The following CCNK variants were observed in gnomAD, a reference collection of about 807,000 sequenced individuals.
The protein encoded by CCNK is cyclin K.
A neutral mutation model predicts 65.0 loss-of-function variants in CCNK; 9 were observed. The observed-to-expected ratio is 0.14, with a 90% CI of 0.08 to 0.24. The LOEUF is 0.24. CCNK is among the 10% of genes least tolerant of loss of function. The pLI is 1.00. For missense variants in CCNK, 474 were observed against 720.0 expected (o/e 0.66, Z 3.91); for synonymous variants, 279 against 270.8 (o/e 1.03, Z -0.30).
intron 10 of CCNK, 148 bp from the exon 11 acceptor site, chr14:99,510,009 A>C: frequency 1.4e-6 from 1 of 721,000 alleles, no homozygotes; most frequent in Non-Finnish European, 2.2e-6. Context: ...GCATCAGGAC[A>C]TGGGGCATGG....
intron 1 of CCNK, among the ~76,000 whole-genome samples, chr14:99,482,333 G>T (rs974718774): frequency 1.3e-5 from 2 of 152,192 alleles, no homozygotes; most frequent in Non-Finnish European, 2.9e-5. Flanking sequence ...GTAGGTGCCC[G>T]CTAAAGGTTT....
In CCNK at chr14:99,492,818, C is replaced by A. The variant is rs746593317; in HGVS notation, c.141C>A (p.Ala47=). 1.2e-6 allele frequency: 2 copies of A among 1,611,642 alleles called. No homozygotes were observed. Among genetic ancestry groups the A allele is most frequent in the East Asian group, 4.5e-5 (2 of 44,820 alleles). ...QLEGLDPATE[A]RYRREGARFI... is the part of the protein sequence containing the mutation. ...AAGGACTTGATCCAGCCACCGAGGC[C>A]CGGTACCGCCGAGAGGGCGCTCGGT... The change falls in exon 2 of 11, where the codon GCC becomes GCA. Residue 47 remains alanine, a synonymous_variant. Transcript: ENST00000389879.
At chr14:99,481,570 G>C in intron 1 of CCNK, 91 bp downstream of exon 1, 1 of 397,912 alleles carries the variant, frequency 2.5e-6, no homozygotes, top group Admixed American at 4.4e-5. Context: ...CTATCCACTG[G>C]CGGAGTCTCT....
intron 9 of CCNK, 146 bp from the exon 10 acceptor site, chr14:99,506,930 T>C: frequency 1.5e-6 from 1 of 681,832 alleles, no homozygotes; most frequent in Non-Finnish European, 2.7e-6. Flanking sequence ...ATGGTTTAGC[T>C]GAAACCTTCT....
At chr14:99,502,449 C>G in intron 7 of CCNK, 73 bp downstream of exon 7, 1 of 1,537,416 alleles carries the variant, frequency 6.5e-7, no homozygotes, top group South Asian at 1.3e-5. Context: ...ACCCTGAGTC[C>G]CAAGAATGGA....
At chr14:99,505,018 T>C (rs1896939895) in intron 9 of CCNK, 1 of 152,262 alleles carries the variant, frequency 6.6e-6, no homozygotes, top group African/African-American at 2.4e-5. Context: ...TGGAATGTGA[T>C]GAATTGAAAG....
At chr14:99,501,136 C>T (rs888207073) in intron 5 of CCNK, 1 of 602,222 alleles carries the variant, frequency 1.7e-6, no homozygotes, top group Non-Finnish European at 2.9e-6. Context: ...TAAACTTAGC[C>T]TTGGAGCCAG....
In CCNK at chr14:99,510,226, T is replaced by A; in HGVS notation, c.1187T>A (p.Leu396His). ...CCGGGCCCTGTGGATGCCACTGACCTCCCCAAAGTCCAGATTCCCCCTCCG... is the reference window on the plus strand; with the variant it reads ...CCGGGCCCTGTGGATGCCACTGACCACCCCAAAGTCCAGATTCCCCCTCCG... ...EPPGPVDATD[L>H]PKVQIPPPAH... is the part of the protein sequence containing the mutation. The change falls in exon 11 of 11, where the codon CTC (leucine) becomes CAC (histidine). Residue 396 changes from leucine to histidine, a missense_variant. Transcript: ENST00000389879. The A allele has an allele frequency of 6.3e-7, 1 of 1,595,060 alleles. No homozygotes were observed. Among genetic ancestry groups the A allele is most frequent in the Middle Eastern group, 2.0e-4 (1 of 4,974 alleles).
chr14:99,488,872 T>A (rs1340371890), intron 1 of CCNK, among the ~76,000 whole-genome samples: 1 of 152,032 alleles, frequency 6.6e-6, no homozygotes, highest in Non-Finnish European at 1.5e-5. Flanking sequence ...CAAATTACCT[T>A]GGATTAGTCC....
chr14:99,495,659 G>T (rs565877072), intron 4 of CCNK, 30 bp downstream of exon 4: 2 of 1,585,574 alleles, frequency 1.3e-6, no homozygotes, highest in Admixed American at 1.8e-5. Context: ...CCTGCCTTCT[G>T]GTCTTGATTC....
intron 1 of CCNK, chr14:99,492,328 A>C: frequency 4.9e-6 from 1 of 204,168 alleles, no homozygotes; most frequent in South Asian, 9.2e-5. Flanking sequence ...AAAGTGAGAT[A>C]TACTTCGTTT....
chr14:99,481,914 C>G (rs1047665971), intron 1 of CCNK, among the ~76,000 whole-genome samples: 1 of 152,212 alleles, frequency 6.6e-6, no homozygotes, highest in Non-Finnish European at 1.5e-5. Flanking sequence ...CTAGGGTACT[C>G]CGACTTTGGA....
intron 3 of CCNK, 51 bp downstream of exon 3, chr14:99,493,646 C>T: frequency 7.8e-7 from 1 of 1,277,262 alleles, no homozygotes; most frequent in Non-Finnish European, 1.1e-6. Flanking sequence ...ATTATTTCCA[C>T]ACAGTTTGGT....
intron 8 of CCNK, chr14:99,503,262 G>A (rs1460616830): frequency 1.6e-5 from 10 of 638,230 alleles, no homozygotes; most frequent in African/African-American, 5.4e-5. Flanking sequence ...TGTCGTTGCC[G>A]TGTCCTAGCA....
intron 9 of CCNK, 104 bp from the exon 10 acceptor site, chr14:99,506,969 CTGT>C (rs1312359091): frequency 5.5e-5 from 43 of 788,280 alleles, no homozygotes; most frequent in Middle Eastern, 2.3e-4. Flanking sequence ...TTGGTCATCT[CTGT>C]TGTTTTTCTC....
Position 99,510,857 on chromosome 14 carries a change from G to A in CCNK, c.*75G>A. The A allele has an allele frequency of 3.2e-6, 4 of 1,257,152 alleles. No individual in the cohort carries two copies. The highest frequency in any genetic ancestry group is 2.8e-4 in the Middle Eastern group (1 of 3,620). 77.9% of individuals were successfully genotyped at this position (1,257,152 alleles called of 1,614,324 possible). A position where few individuals can be genotyped will look rare whatever the true frequency, so the allele number is the denominator to read the frequency against. On this transcript the variant is annotated 3_prime_UTR_variant, in exon 11 of 11. Coordinates refer to ENST00000389879, the MANE Select transcript of CCNK (RefSeq NM_001099402.2). Reference sequence around the variant, plus strand: ...CTTGCAGAGTAGTTGAAGTGGGTAAGCAGCAGGGTACCTTGTATAATGCAC... The same window carrying A: ...CTTGCAGAGTAGTTGAAGTGGGTAAACAGCAGGGTACCTTGTATAATGCAC...
chr14:99,491,777 T>A (rs1352453087), intron 1 of CCNK, among the ~76,000 whole-genome samples: 1 of 152,210 alleles, frequency 6.6e-6, no homozygotes, highest in African/African-American at 2.4e-5. Context: ...GCTGTTTTCT[T>A]GCTAACCAGA....
chr14:99,483,116 A>G (rs903722804), intron 1 of CCNK, among the ~76,000 whole-genome samples: 2 of 152,226 alleles, frequency 1.3e-5, no homozygotes, highest in African/African-American at 4.8e-5. Context: ...CTGTTTTCAC[A>G]TAGAACCATT....
rs774874149 is a variant in CCNK, at chr14:99,500,960, G to C, written c.517+89G>C. On this transcript the variant is annotated intron_variant, in intron 5 of 10. Transcript: ENST00000389879. ...ACTCAAATTACGCTTCTCAAAAGCG[G>C]AAAACAAAGTTTGATGTGTGAAATA... The C allele has an allele frequency of 8.7e-5, 73 of 834,290 alleles. No individual in the cohort carries two copies. The African/African-American group carries it at 1.2e-3, about 14-fold the overall frequency. 51.7% of individuals were successfully genotyped at this position (834,290 alleles called of 1,614,324 possible).
Sources: allele counts gnomAD v4.1 joint callset (sites outside exome capture counted in the v4.1 genomes callset), GRCh38; gene constraint gnomAD v4.1.1; transcripts MANE v1.5; gene names NCBI Gene and HGNC (gene_info 2026-07-23, HGNC 2026-07-21).